The following LRRTM4 variants were observed in gnomAD, a reference collection of about 807,000 sequenced individuals.
LRRTM4 encodes the protein leucine-rich repeat transmembrane neuronal protein 4.
LRRTM4 carries 25 observed loss-of-function variants against 47.6 expected under a neutral mutation model. The observed-to-expected ratio is 0.53, with a 90% confidence interval of 0.38 to 0.73. The LOEUF (loss-of-function observed/expected upper bound fraction) is 0.73, where lower values mean the gene tolerates loss of function less well. Ranked by LOEUF, LRRTM4 falls within the 30% of genes least tolerant of loss-of-function variation. The probability of loss-of-function intolerance (pLI) is 0.00; values close to 1 mark genes in which losing one functional copy is unlikely to be tolerated. For synonymous variants in LRRTM4, 311 were observed against 269.5 expected, an observed-to-expected ratio of 1.15 and a Z score of -1.51; for missense variants, 638 against 713.4, an observed-to-expected ratio of 0.89 and a Z score of 1.20.
intron 3 of LRRTM4, among the ~76,000 whole-genome samples, chr2:76,936,622 T>A (rs531392330): frequency 2.0e-5 from 3 of 149,244 alleles, no homozygotes; most frequent in African/African-American, 7.3e-5. Flanking sequence ...GAAAAAGCCT[T>A]GCAGTGATAC....
intron 3 of LRRTM4, among the ~76,000 whole-genome samples, chr2:76,881,803 T>C (rs990439583): frequency 5.3e-5 from 8 of 152,156 alleles, no homozygotes; most frequent in African/African-American, 1.9e-4. Context: ...TTCCTATTCC[T>C]CTTTGAAGTA....
intron 3 of LRRTM4, among the ~76,000 whole-genome samples, chr2:77,189,755 ATG>A (rs202187324): frequency 0.052 from 7,922 of 151,846 alleles, 676 homozygotes; most frequent in African/African-American, 0.18. Flanking sequence ...TATACTTTAT[ATG>A]TATATATACA....
At chr2:77,073,763 C>T (rs533460841) in intron 3 of LRRTM4, among the ~76,000 whole-genome samples, 27 of 151,982 alleles carry the variant, frequency 1.8e-4, no homozygotes, top group African/African-American at 5.8e-4. Context: ...CTGTCTCTCT[C>T]TCTCTCTATA....
At chr2:77,049,122 TTA>T (rs3058032) in intron 3 of LRRTM4, among the ~76,000 whole-genome samples, 2,371 of 62,548 alleles carry the variant, frequency 0.038, 36 homozygotes, top group Non-Finnish European at 0.041. Context: ...ATTTCATTTT[TTA>T]TATATATATA....
chr2:76,758,646 TAAATA>T (rs1208471532), intron 3 of LRRTM4, among the ~76,000 whole-genome samples: 1 of 152,206 alleles, frequency 6.6e-6, no homozygotes, highest in African/African-American at 2.4e-5. Context: ...TCTCATATTT[TAAATA>T]AAATGTGTAA....
rs190013868 is a variant in LRRTM4, at chr2:77,036,886, A to C, written c.1552-287970T>G. ...TAAATCAATCTGCTGATCAAGAAAG[A>C]CATATAGATTATTTATTAACCTAAG... On this transcript the variant is annotated intron_variant, in intron 3 of 3. Transcript: ENST00000409884. Among the ~76,000 whole-genome samples the C allele has an allele frequency of 1.4e-4, 22 of 151,884 alleles. No homozygotes were observed. The Admixed American group carries it at 1.4e-3, about 10-fold the overall frequency.
In LRRTM4 at chr2:77,443,058, TC is replaced by T. The variant is rs202069915; in HGVS notation, c.1551+75259del. Among the ~76,000 whole-genome samples, 20 of 152,236 alleles carry T rather than the reference TC, an allele frequency of 1.3e-4. 1 individual carries two copies. In the East Asian group the frequency reaches 3.9e-3, roughly 29 times the overall value. On this transcript the variant is annotated intron_variant, in intron 3 of 3. Transcript: ENST00000409884. ...TAGCAAAATAGCAACGTGCCCAAGA[TC>T]CCCGTGTCATGACAGATTGTGGCTG...
chr2:77,166,453 T>C (rs930035340), intron 3 of LRRTM4, among the ~76,000 whole-genome samples: 4 of 152,172 alleles, frequency 2.6e-5, no homozygotes, highest in Non-Finnish European at 4.4e-5. Context: ...TGGAAAAAAC[T>C]ACTTTAAAGT....
intron 3 of LRRTM4, among the ~76,000 whole-genome samples, chr2:77,183,038 A>T (rs965844808): frequency 2.0e-5 from 3 of 152,190 alleles, no homozygotes; most frequent in Non-Finnish European, 2.9e-5. Context: ...GGACTTCATG[A>T]CTAAAACGCC....
chr2:77,105,735 C>A (rs1671078180), intron 3 of LRRTM4, among the ~76,000 whole-genome samples: 1 of 151,944 alleles, frequency 6.6e-6, no homozygotes, highest in East Asian at 1.9e-4. Context: ...TCTGTGATTT[C>A]CTACAAAATA....
At chr2:77,173,439 A>T (rs908132022) in intron 3 of LRRTM4, among the ~76,000 whole-genome samples, 5 of 152,138 alleles carry the variant, frequency 3.3e-5, no homozygotes, top group African/African-American at 1.2e-4. Context: ...TTTTCCTGAC[A>T]TATATTTAGC....
At chr2:77,509,686 T>C (rs898719258) in intron 3 of LRRTM4, among the ~76,000 whole-genome samples, 8 of 152,214 alleles carry the variant, frequency 5.3e-5, no homozygotes, top group Admixed American at 1.3e-4. Context: ...ATATTTACAC[T>C]GTAGCTTTTT....
chr2:77,037,449 T>C (rs1416391940), intron 3 of LRRTM4, among the ~76,000 whole-genome samples: 1 of 151,690 alleles, frequency 6.6e-6, no homozygotes, highest in African/African-American at 2.4e-5. Flanking sequence ...TGCACATAAT[T>C]GCAAGCATTA....
At chr2:77,269,377 A>G (rs1049581650) in intron 3 of LRRTM4, among the ~76,000 whole-genome samples, 1 of 152,194 alleles carries the variant, frequency 6.6e-6, no homozygotes, top group Non-Finnish European at 1.5e-5. Flanking sequence ...AATAAATATC[A>G]TTAAATTACT....
intron 3 of LRRTM4, among the ~76,000 whole-genome samples, chr2:77,205,923 C>T (rs895791725): frequency 1.3e-5 from 2 of 151,886 alleles, no homozygotes; most frequent in African/African-American, 4.8e-5. Flanking sequence ...GCAGCCTCTA[C>T]CTCCAAAGCT....
At chr2:77,142,914 A>G (rs1446980013) in intron 3 of LRRTM4, among the ~76,000 whole-genome samples, 1 of 152,172 alleles carries the variant, frequency 6.6e-6, no homozygotes, top group Non-Finnish European at 1.5e-5. Context: ...TCTTGTGACA[A>G]AGCCATGTAT....
At chr2:76,925,875 T>C (rs1674574673) in intron 3 of LRRTM4, among the ~76,000 whole-genome samples, 1 of 152,170 alleles carries the variant, frequency 6.6e-6, no homozygotes, top group East Asian at 1.9e-4. Flanking sequence ...ACAGTATTTA[T>C]AATGAAAGCA....
intron 3 of LRRTM4, among the ~76,000 whole-genome samples, chr2:76,978,758 T>C (rs1012818890): frequency 2.0e-5 from 3 of 152,004 alleles, no homozygotes; most frequent in Admixed American, 6.6e-5. Context: ...GAGAACTTCT[T>C]TGTTTTAGCA....
At chr2:77,006,745 T>C (rs1202038953) in intron 3 of LRRTM4, among the ~76,000 whole-genome samples, 1 of 152,112 alleles carries the variant, frequency 6.6e-6, no homozygotes, top group East Asian at 1.9e-4. Flanking sequence ...CGACTGGACA[T>C]TTTGGTGCTT....
Sources: allele counts gnomAD v4.1 joint callset (sites outside exome capture counted in the v4.1 genomes callset), GRCh38; gene constraint gnomAD v4.1.1; transcripts MANE v1.5; gene names NCBI Gene and HGNC (gene_info 2026-07-23, HGNC 2026-07-21).